The following RIMS1 variants were observed in gnomAD, a reference collection of about 807,000 sequenced individuals.
The protein encoded by RIMS1 is regulating synaptic membrane exocytosis protein 1.
A neutral mutation model predicts 214.1 loss-of-function variants in RIMS1; 83 were observed. The observed-to-expected ratio is 0.39, with a 90% CI of 0.32 to 0.47. RIMS1 has a LOEUF of 0.47. Ranked by LOEUF, RIMS1 falls within the 20% of genes least tolerant of loss-of-function variation. RIMS1 has a pLI of 0.99. For synonymous variants in RIMS1, 793 were observed against 786.8 expected, an observed-to-expected ratio of 1.01 and a Z score of -0.13; for missense variants, 2,050 against 2,161.8, an observed-to-expected ratio of 0.95 and a Z score of 1.03.
chr6:72,229,688 A>AT (rs2061361339), intron 6 of RIMS1, among the ~76,000 whole-genome samples: 1 of 151,860 alleles, frequency 6.6e-6, no homozygotes. Context: ...AAATATGAAG[A>AT]AACATTTCAA....
chr6:72,299,520 A>G (rs2094419146), intron 26 of RIMS1, among the ~76,000 whole-genome samples: 1 of 151,848 alleles, frequency 6.6e-6, no homozygotes, highest in African/African-American at 2.4e-5. Flanking sequence ...TCTCTAGTCA[A>G]CTATATTTTT....
chr6:72,026,025 T>C (rs1036610268), intron 2 of RIMS1, among the ~76,000 whole-genome samples: 2 of 152,188 alleles, frequency 1.3e-5, no homozygotes, highest in African/African-American at 4.8e-5. Flanking sequence ...GAAGCTGCAA[T>C]GTCTTTATGA....
chr6:72,273,681 T>G (rs1057389513), intron 22 of RIMS1, among the ~76,000 whole-genome samples: 1 of 152,202 alleles, frequency 6.6e-6, no homozygotes, highest in African/African-American at 2.4e-5. Context: ...ATTTATCATT[T>G]CATGTATCTA....
At chr6:72,261,809 C>G (rs367975392) in intron 19 of RIMS1, 7 of 984,972 alleles carry the variant, frequency 7.1e-6, no homozygotes, top group African/African-American at 5.2e-5. Flanking sequence ...CTACTCATAA[C>G]TACTGCCATG....
intron 4 of RIMS1, among the ~76,000 whole-genome samples, chr6:72,131,451 A>G (rs2040420934): frequency 6.6e-6 from 1 of 152,132 alleles, no homozygotes; most frequent in Non-Finnish European, 1.5e-5. Context: ...CGTCCGGGGG[A>G]GACATCACAT....
chr6:71,966,293 T>C (rs1329316306), intron 1 of RIMS1, among the ~76,000 whole-genome samples: 3 of 152,248 alleles, frequency 2.0e-5, no homozygotes, highest in African/African-American at 7.2e-5. Context: ...TTTCCTGTTA[T>C]ATTCAGATTA....
intron 4 of RIMS1, among the ~76,000 whole-genome samples, chr6:72,103,555 A>C (rs1471738539): frequency 6.6e-6 from 1 of 152,138 alleles, no homozygotes; most frequent in East Asian, 1.9e-4. Context: ...TTAGAAAATT[A>C]GCCTTTTCTA....
chr6:72,176,911 AATTG>A (rs1340713412), intron 4 of RIMS1, among the ~76,000 whole-genome samples: 1 of 152,206 alleles, frequency 6.6e-6, no homozygotes, highest in Non-Finnish European at 1.5e-5. Flanking sequence ...TGTTTCTTTT[AATTG>A]ATCTGGTAGC....
intron 4 of RIMS1, among the ~76,000 whole-genome samples, chr6:72,130,838 T>A (rs568803103): frequency 6.6e-6 from 1 of 152,190 alleles, no homozygotes; most frequent in South Asian, 2.1e-4. Context: ...AAGCCCATAG[T>A]AAGAGATACA....
Position 72,237,910 on chromosome 6 carries a change from C to T in RIMS1, c.1945C>T (p.His649Tyr). The T allele has an allele frequency of 6.2e-7, 1 of 1,605,626 alleles. No homozygotes were observed. Among genetic ancestry groups the T allele is most frequent in the East Asian group, 2.2e-5 (1 of 44,792 alleles). The part of the protein sequence containing the change: ...KKGSLADVVG[H>Y]LRAGDEVLEW... ...GGGTAGCCTAGCAGATGTAGTTGGACACCTAAGAGCAGGTAAAGTTTCTTT... is the reference window on the plus strand; with the variant it reads ...GGGTAGCCTAGCAGATGTAGTTGGATACCTAAGAGCAGGTAAAGTTTCTTT... Residue 649 changes from histidine (H) to tyrosine (Y), a missense_variant, in exon 9 of 34, where the codon CAC (histidine) becomes TAC (tyrosine). Physicochemically the swap from His to Tyr is moderately conservative, Grantham distance 83 (BLOSUM62 2). Transcript: ENST00000521978.
intron 1 of RIMS1, among the ~76,000 whole-genome samples, chr6:71,921,216 G>T (rs373584799): frequency 6.6e-6 from 1 of 152,104 alleles, no homozygotes; most frequent in Non-Finnish European, 1.5e-5. Context: ...TGCCTCCCAG[G>T]TTCAAGCAAT....
In RIMS1 at chr6:72,248,101, C is replaced by G; in HGVS notation, c.2215C>G (p.Pro739Ala). Residue 739 changes from proline to alanine, a missense_variant, in exon 12 of 34, where the codon CCA (proline) becomes GCA (alanine). By Grantham distance (27) the Pro-to-Ala change is conservative. Around this residue, in one of 6 missense-constraint regions of RIMS1, gnomAD observed 111 missense variants for 166.2 expected, o/e 0.67. Coordinates refer to ENST00000521978, the MANE Select transcript of RIMS1 (RefSeq NM_014989.7). ...PTSPGALKDA[P>A]QVLPGQLSVK... is the part of the protein sequence containing the mutation. ...AAGTCCTGGAGCTCTAAAAGATGCC[C>G]CACAAGTCTTACCAGGGCAACTTTC... 6.2e-7 allele frequency: 1 copy of G among 1,612,208 alleles called. No homozygotes were observed. The highest frequency in any genetic ancestry group is 8.5e-7 in the Non-Finnish European group (1 of 1,178,894).
At chr6:72,238,665 G>A (rs1006257665) in intron 9 of RIMS1, among the ~76,000 whole-genome samples, 3 of 152,020 alleles carry the variant, frequency 2.0e-5, no homozygotes, top group Non-Finnish European at 4.4e-5. Context: ...GCAGAGCTTA[G>A]TAGAAATCTT....
At chr6:72,135,530 A>T (rs1164196096) in intron 4 of RIMS1, among the ~76,000 whole-genome samples, 1 of 152,174 alleles carries the variant, frequency 6.6e-6, no homozygotes, top group Non-Finnish European at 1.5e-5. Flanking sequence ...TTTGAGGAAG[A>T]TGCTTAGAAT....
chr6:71,970,504 T>C (rs1157654694), intron 2 of RIMS1, among the ~76,000 whole-genome samples: 1 of 152,222 alleles, frequency 6.6e-6, no homozygotes, highest in Non-Finnish European at 1.5e-5. Flanking sequence ...CAAAGTTCAT[T>C]TTAAATTACA....
chr6:72,055,245 G>A (rs1486311703), intron 2 of RIMS1, among the ~76,000 whole-genome samples: 2 of 152,038 alleles, frequency 1.3e-5, no homozygotes, highest in African/African-American at 4.8e-5. Context: ...GAATAATAGT[G>A]GCATTTCATG....
At chr6:72,275,319 A>G (rs2085788113) in intron 23 of RIMS1, among the ~76,000 whole-genome samples, 1 of 151,824 alleles carries the variant, frequency 6.6e-6, no homozygotes, top group African/African-American at 2.4e-5. Flanking sequence ...GTGGTATCTC[A>G]GAAGCAGCAT....
rs1213244751 is a variant in RIMS1 at position 72,159,486 on chromosome 6, T to A, written c.472-20089T>A. 6.4e-5 allele frequency among the ~76,000 whole-genome samples: 9 copies of A among 141,034 alleles called. 1 individual carries two copies. In the Admixed American group the frequency reaches 6.5e-4, roughly 10 times the overall value. The allele number at this position is 141,034 out of a possible 152,430, so 92.5% of individuals were successfully genotyped here. On this transcript the variant is annotated intron_variant, in intron 4 of 33. Coordinates refer to ENST00000521978, the MANE Select transcript of RIMS1 (RefSeq NM_014989.7). ...GCCCATGCCTATGTCCTGAATGGTA[T>A]TGCCTACGTTTTCTTGTAGGGTTTT...
intron 1 of RIMS1, among the ~76,000 whole-genome samples, chr6:71,913,506 C>A (rs1278452271): frequency 3.3e-5 from 5 of 152,102 alleles, no homozygotes; most frequent in African/African-American, 9.7e-5. Context: ...CGCCCCATCT[C>A]TTTGTCTATA....
Sources: allele counts gnomAD v4.1 joint callset (sites outside exome capture counted in the v4.1 genomes callset), GRCh38; gene constraint gnomAD v4.1.1; regional missense constraint gnomAD v4.1.1; transcripts MANE v1.5; gene names NCBI Gene and HGNC (gene_info 2026-07-23, HGNC 2026-07-21).